PCDHGA9: variants seen among roughly 807,000 people sequenced by gnomAD.
PCDHGA9 encodes protocadherin gamma subfamily A, 9.
A neutral mutation model predicts 62.5 loss-of-function variants in PCDHGA9; 37 were observed. That is an observed-to-expected ratio of 0.59 (90% CI 0.46 to 0.78). The LOEUF (loss-of-function observed/expected upper bound fraction) is 0.78. PCDHGA9 is among the 30% of genes least tolerant of loss of function. The probability of loss-of-function intolerance (pLI) is 0.00; values close to 1 mark genes in which losing one functional copy is unlikely to be tolerated. For synonymous variants in PCDHGA9, 459 were observed against 484.6 expected (o/e 0.95, Z 0.69); for missense variants, 1,138 against 1,166.2 (o/e 0.98, Z 0.35).
intron 1 of PCDHGA9, among the ~76,000 whole-genome samples, chr5:141,484,306 C>T (rs1009067603): frequency 6.6e-6 from 1 of 152,184 alleles, no homozygotes; most frequent in African/African-American, 2.4e-5. Context: ...GCTTCCTCCA[C>T]CCCGCTTCCA....
chr5:141,410,018 T>C (rs773806211), intron 1 of PCDHGA9: 1 of 1,613,166 alleles, frequency 6.2e-7, no homozygotes, highest in African/African-American at 1.3e-5. Context: ...CTGGCTGTCC[T>C]ACCACGTGCT....
Position 141,491,965 on chromosome 5 carries a change from G to A in PCDHGA9, c.2425-2842G>A. 1 of 946,810 alleles carries A rather than the reference G, an allele frequency of 1.1e-6. No individual in the cohort carries two copies. Among genetic ancestry groups the A allele is most frequent in the Non-Finnish European group, 1.5e-6 (1 of 672,398 alleles). 58.7% of individuals were successfully genotyped at this position (946,810 alleles called of 1,614,324 possible). On this transcript the variant is annotated intron_variant, in intron 1 of 3. Coordinates refer to ENST00000573521, the MANE Select transcript of PCDHGA9 (RefSeq NM_018921.3). The surrounding 1 kb of genome is among the most constrained non-coding windows in gnomAD (Gnocchi z 6.9). ...CCCACCCCTACACTCAAAAAAGGCC[G>A]GGGCCTCCTTCGAGCTTCCGGTGAA...
At position 141,491,039 on chromosome 5, in the gene PCDHGA9, G is replaced by T; in HGVS notation, c.2425-3768G>T. 1 of 1,614,180 alleles carries T rather than the reference G, an allele frequency of 6.2e-7. No individual in the cohort carries two copies. The highest frequency in any genetic ancestry group is 1.1e-5 in the South Asian group (1 of 91,090). ...GTGACAGCCGTGGATGCTGATGCAGGCCACAATGCGTGGCTCTCCTACTCA... is the reference window on the plus strand; with the variant it reads ...GTGACAGCCGTGGATGCTGATGCAGTCCACAATGCGTGGCTCTCCTACTCA... On this transcript the variant is annotated intron_variant, in intron 1 of 3. Transcript: ENST00000573521. The surrounding 1 kb of genome is among the most constrained non-coding windows in gnomAD (Gnocchi z 6.9).
intron 1 of PCDHGA9, chr5:141,409,940 C>G: frequency 6.2e-7 from 1 of 1,613,236 alleles, no homozygotes. Flanking sequence ...TATGGTACCT[C>G]GCTCTGCAGA....
chr5:141,408,443 A>G (rs1486863170), intron 1 of PCDHGA9: 1 of 1,613,956 alleles, frequency 6.2e-7, no homozygotes, highest in Non-Finnish European at 8.5e-7. Flanking sequence ...AGACGCGGAG[A>G]GCGGGGACTT....
intron 1 of PCDHGA9, among the ~76,000 whole-genome samples, chr5:141,473,366 A>T (rs1292258135): frequency 1.3e-5 from 2 of 152,202 alleles, no homozygotes; most frequent in Non-Finnish European, 2.9e-5. Context: ...GGCCACCAAA[A>T]TAGCATGGTC....
In PCDHGA9 at chr5:141,476,016, G is replaced by C; in HGVS notation, c.2425-18791G>C. On this transcript the variant is annotated intron_variant, in intron 1 of 3. Transcript: ENST00000573521. This position sits in a 1 kb window ranked among gnomAD's most constrained non-coding sequence, Gnocchi z 7.6. ...TCAACGGCATCCAGAAAGCCATGTC[G>C]GACTCGGCGCCCAGCGCCCAAGCGC... 1 of 1,359,386 alleles carries C rather than the reference G, an allele frequency of 7.4e-7. No homozygotes were observed. The highest frequency in any genetic ancestry group is 2.3e-5 in the East Asian group (1 of 43,300). 84.2% of individuals were successfully genotyped at this position (1,359,386 alleles called of 1,614,324 possible).
At chr5:141,496,021 G>T (rs1011612662) in intron 2 of PCDHGA9, among the ~76,000 whole-genome samples, 2 of 151,336 alleles carry the variant, frequency 1.3e-5, no homozygotes, top group African/African-American at 4.9e-5. Flanking sequence ...TTTTCTCTGA[G>T]CCTCTGTCTC....
chr5:141,428,116 A>G, intron 1 of PCDHGA9: 1 of 1,607,216 alleles, frequency 6.2e-7, no homozygotes, highest in Non-Finnish European at 8.5e-7. Flanking sequence ...CAGGCCATCG[A>G]GCCCGGGCTT....
Position 141,417,818 on chromosome 5 carries a change from C to T in PCDHGA9, c.2424+12442C>T, listed in dbSNP as rs59981184. 5.7e-4 allele frequency: 859 copies of T among 1,512,530 alleles called. 1 individual carries two copies. The African/African-American group carries it at 0.011, about 19-fold the overall frequency. 93.7% of individuals were successfully genotyped at this position (1,512,530 alleles called of 1,614,324 possible). On this transcript the variant is annotated intron_variant, in intron 1 of 3. Coordinates refer to ENST00000573521, the MANE Select transcript of PCDHGA9 (RefSeq NM_018921.3). ...TTTAGCGCGGTAGAGTGCACTTTCTCCAACTGGAAAAGCGGGGACCCAGCG... is the reference window on the plus strand; with the variant it reads ...TTTAGCGCGGTAGAGTGCACTTTCTTCAACTGGAAAAGCGGGGACCCAGCG...
In PCDHGA9 at chr5:141,432,262, A is replaced by G; in HGVS notation, c.2424+26886A>G. 1.9e-6 allele frequency: 3 copies of G among 1,614,222 alleles called. No homozygotes were observed. Among genetic ancestry groups the G allele is most frequent in the Non-Finnish European group, 2.5e-6 (3 of 1,180,036 alleles). On this transcript the variant is annotated intron_variant, in intron 1 of 3. Coordinates refer to ENST00000573521, the MANE Select transcript of PCDHGA9 (RefSeq NM_018921.3). This position sits in a 1 kb window ranked among gnomAD's most constrained non-coding sequence, Gnocchi z 6.0. ...AGAACACCATCCAAGGGGCAAGCCT[A>G]TCGTCCTACGTGTCCATCAACTCCG...
intron 2 of PCDHGA9, among the ~76,000 whole-genome samples, chr5:141,504,506 A>T (rs575756846): frequency 1.3e-5 from 2 of 152,096 alleles, no homozygotes; most frequent in African/African-American, 4.8e-5. Context: ...GTCTGAGTGG[A>T]TCTCCTCTGA....
intron 1 of PCDHGA9, among the ~76,000 whole-genome samples, chr5:141,459,691 C>T (rs754899227): frequency 3.9e-5 from 6 of 152,158 alleles, no homozygotes; most frequent in East Asian, 1.9e-4. Flanking sequence ...TAAAGCGTTC[C>T]GCTTGCTACA....
At chr5:141,478,759 A>G in intron 1 of PCDHGA9, 2 of 1,514,800 alleles carry the variant, frequency 1.3e-6, no homozygotes, top group African/African-American at 1.4e-5. Flanking sequence ...GGGGGAAGAT[A>G]CTTGACTCAT....
chr5:141,505,591 G>C (rs2099846959), intron 3 of PCDHGA9, 110 bp downstream of exon 3: 2 of 1,570,280 alleles, frequency 1.3e-6, no homozygotes, highest in African/African-American at 2.7e-5. Flanking sequence ...AGTTTCTCCA[G>C]ATCTTTCGGC....
intron 1 of PCDHGA9, chr5:141,423,616 G>A: frequency 6.2e-7 from 1 of 1,609,594 alleles, no homozygotes; most frequent in Admixed American, 1.7e-5. Context: ...GATAGCTGAA[G>A]ACTCAGCTAT....
At position 141,475,845 on chromosome 5, in the gene PCDHGA9, G is replaced by A. The variant is rs2099375736; in HGVS notation, c.2425-18962G>A. On this transcript the variant is annotated intron_variant, in intron 1 of 3. Coordinates refer to ENST00000573521, the MANE Select transcript of PCDHGA9 (RefSeq NM_018921.3). ...CGCTAGCGCGTGTCCTGCTCAGAGA[G>A]CCCGGCGCTAGCTCATTCTTCGTGC... The A allele has an allele frequency of 2.0e-5, 9 of 447,884 alleles. 1 individual carries two copies. In the South Asian group the frequency reaches 2.8e-4, roughly 14 times the overall value. 27.7% of individuals were successfully genotyped at this position (447,884 alleles called of 1,614,324 possible).
In PCDHGA9 at chr5:141,476,316, G is replaced by A. The variant is rs536532455; in HGVS notation, c.2425-18491G>A. On this transcript the variant is annotated intron_variant, in intron 1 of 3. Coordinates refer to ENST00000573521, the MANE Select transcript of PCDHGA9 (RefSeq NM_018921.3). This position sits in a 1 kb window ranked among gnomAD's most constrained non-coding sequence, Gnocchi z 7.6. ...GGTAGCCTCTCAGCCCGCAGGTTCC[G>A]GGTGGTGTCTGGAGCTAGCCGAAGA... is the stretch of plus-strand genomic sequence containing the variant. The A allele has an allele frequency of 6.2e-7, 1 of 1,614,176 alleles. No individual in the cohort carries two copies. The highest frequency in any genetic ancestry group is 1.7e-5 in the Admixed American group (1 of 60,028).
At chr5:141,426,492 T>A (rs1439487321) in intron 1 of PCDHGA9, 11 of 336,712 alleles carry the variant, frequency 3.3e-5, no homozygotes, top group South Asian at 2.6e-4. Flanking sequence ...TTAGAGTTAG[T>A]GCAGAGAAAC....
Sources: gnomAD v4.1 joint callset for allele counts (sites outside exome capture counted in the v4.1 genomes callset) on GRCh38, gnomAD v4.1.1 for gene constraint, Gnocchi (gnomAD v3.1) non-coding constraint, MANE v1.5 for transcripts, NCBI Gene and HGNC (gene_info 2026-07-23, HGNC 2026-07-21) for gene names.